DOCK1: variants seen among roughly 807,000 people sequenced by gnomAD.
DOCK1 encodes dedicator of cytokinesis 1.
Under a neutral mutation model 262.7 loss-of-function variants are expected in DOCK1, and 138 were observed. The observed-to-expected ratio is 0.53, with a 90% CI of 0.46 to 0.61. The LOEUF (loss-of-function observed/expected upper bound fraction) is 0.61, where lower values mean the gene tolerates loss of function less well. DOCK1 is among the 20% of genes least tolerant of loss of function. The probability of loss-of-function intolerance (pLI) is 0.00; values close to 1 mark genes in which losing one functional copy is unlikely to be tolerated. For missense variants in DOCK1, 1,908 were observed against 2,370.7 expected (o/e 0.80, Z 4.05); for synonymous variants, 866 against 867.4 (o/e 1.00, Z 0.03).
intron 27 of DOCK1, among the ~76,000 whole-genome samples, chr10:127,194,164 G>C (rs931915539): frequency 6.6e-6 from 1 of 152,216 alleles, no homozygotes; most frequent in African/African-American, 2.4e-5. Context: ...TGAATTTAGT[G>C]AAGAAAACAA....
chr10:127,018,019 C>T (rs1564735271), intron 12 of DOCK1, among the ~76,000 whole-genome samples: 1 of 152,230 alleles, frequency 6.6e-6, no homozygotes, highest in African/African-American at 2.4e-5. Context: ...GGGTTTACTG[C>T]CCTCTCCCCA....
At chr10:127,242,332 T>C (rs1395429816) in intron 27 of DOCK1, among the ~76,000 whole-genome samples, 1 of 152,182 alleles carries the variant, frequency 6.6e-6, no homozygotes, top group Non-Finnish European at 1.5e-5. Flanking sequence ...TTTGAGGTTT[T>C]GTTTGTTTTT....
chr10:127,031,750 T>C lies in DOCK1; in HGVS notation c.1725T>C (p.Tyr575=). ...LRDGEHDLIV[Y]KAEAKKLEDA... ...ACGGAGAGCACGATCTTATCGTCTA[T>C]AAGGTATCTGGTTGCATTGGTGCAA... The change falls in exon 17 of 52, where the codon TAT becomes TAC. Residue 575 remains tyrosine (Y), a synonymous_variant. Coordinates refer to ENST00000623213, the MANE Select transcript of DOCK1 (RefSeq NM_001290223.2). 1.2e-6 allele frequency: 2 copies of C among 1,611,772 alleles called. No individual in the cohort carries two copies. Among genetic ancestry groups the C allele is most frequent in the South Asian group, 2.2e-5 (2 of 90,384 alleles).
chr10:127,343,344 T>G (rs1272131685), intron 30 of DOCK1, among the ~76,000 whole-genome samples: 1 of 152,204 alleles, frequency 6.6e-6, no homozygotes, highest in Admixed American at 6.5e-5. Context: ...AGCACTCCTA[T>G]AAGATAGATA....
intron 27 of DOCK1, among the ~76,000 whole-genome samples, chr10:127,141,448 A>G (rs1158055385): frequency 1.3e-5 from 2 of 152,146 alleles, no homozygotes; most frequent in East Asian, 3.9e-4. Flanking sequence ...CATGCCTGTA[A>G]TCCTAGCACT....
At chr10:127,339,491 C>T (rs2063331640) in intron 30 of DOCK1, among the ~76,000 whole-genome samples, 1 of 152,120 alleles carries the variant, frequency 6.6e-6, no homozygotes, top group Non-Finnish European at 1.5e-5. Flanking sequence ...GTGTTCCCTC[C>T]ATATCCTCTC....
chr10:127,137,007 C>A (rs2050759758), intron 27 of DOCK1: 1 of 152,576 alleles, frequency 6.6e-6, no homozygotes. Context: ...TTCTCAGATT[C>A]TTGCCAGAAT....
rs74721427 is a variant in DOCK1 at position 127,130,065 on chromosome 10, C to CTTTTTTT, written c.2847+2326_2847+2332dup. 3.3e-3 allele frequency among the ~76,000 whole-genome samples: 393 copies of CTTTTTTT among 117,484 alleles called. 24 individuals are homozygous for CTTTTTTT. Among genetic ancestry groups the CTTTTTTT allele is most frequent in the African/African-American group, 0.015 (369 of 25,324 alleles). The allele number at this position is 117,484 out of a possible 152,430, so 77.1% of individuals were successfully genotyped here. ...CAATCCTGCCTCCAGTTAGGGTCTT[C>CTTTTTTT]TTTTTTTTTTTTTTTTTTTTTTTTT... On this transcript the variant is annotated intron_variant, in intron 27 of 51. Coordinates refer to ENST00000623213, the MANE Select transcript of DOCK1 (RefSeq NM_001290223.2).
At chr10:127,283,458 C>G (rs1247519217) in intron 29 of DOCK1, among the ~76,000 whole-genome samples, 1 of 152,220 alleles carries the variant, frequency 6.6e-6, no homozygotes, top group Admixed American at 6.5e-5. Flanking sequence ...TGAATAGTTT[C>G]CTTCCGATGC....
chr10:127,361,369 C>T (rs748072528), intron 32 of DOCK1, among the ~76,000 whole-genome samples: 2 of 152,074 alleles, frequency 1.3e-5, no homozygotes. Flanking sequence ...CCGCCTTGGC[C>T]TCCCAAAGTG....
intron 27 of DOCK1, among the ~76,000 whole-genome samples, chr10:127,131,424 G>C (rs2050318707): frequency 6.6e-6 from 1 of 152,164 alleles, no homozygotes; most frequent in Non-Finnish European, 1.5e-5. Context: ...GTCTTGAAAG[G>C]ACTCTCAAAA....
chr10:127,196,437 G>A (rs2134178617), intron 27 of DOCK1, among the ~76,000 whole-genome samples: 1 of 148,826 alleles, frequency 6.7e-6, no homozygotes, highest in Non-Finnish European at 1.5e-5. Context: ...GGGCCAGGAG[G>A]CGGGGGCGGG....
In DOCK1 at chr10:126,943,519, A is replaced by C. The variant is rs1039913500; in HGVS notation, c.47-27183A>C. On this transcript the variant is annotated intron_variant, in intron 1 of 51. Transcript: ENST00000623213. ...TGTATGTAAGCACCTACTGAATGCT[A>C]TTTAAGTTAATGCAATCATTCAGTG... 5.1e-3 allele frequency among the ~76,000 whole-genome samples: 776 copies of C among 152,302 alleles called. 3 individuals are homozygous for C. Among genetic ancestry groups the C allele is most frequent in the African/African-American group, 0.018 (741 of 41,574 alleles).
chr10:127,194,759 A>G (rs1350034736), intron 27 of DOCK1, among the ~76,000 whole-genome samples: 1 of 152,148 alleles, frequency 6.6e-6, no homozygotes, highest in African/African-American at 2.4e-5. Flanking sequence ...ACCCTGTGCT[A>G]TCCTGAGCTG....
intron 1 of DOCK1, among the ~76,000 whole-genome samples, chr10:126,949,645 T>G (rs2036010878): frequency 6.6e-6 from 1 of 152,162 alleles, no homozygotes; most frequent in African/African-American, 2.4e-5. Flanking sequence ...TAAATTCATG[T>G]TAGACAGCAA....
At chr10:127,376,544 C>T (rs1324573461) in intron 35 of DOCK1, among the ~76,000 whole-genome samples, 1 of 152,204 alleles carries the variant, frequency 6.6e-6, no homozygotes, top group African/African-American at 2.4e-5. Context: ...ACTTCACTGT[C>T]TTCTTGCATT....
intron 27 of DOCK1, among the ~76,000 whole-genome samples, chr10:127,169,092 G>A (rs2054334542): frequency 6.6e-6 from 1 of 152,154 alleles, no homozygotes; most frequent in African/African-American, 2.4e-5. Flanking sequence ...AACATGTTCT[G>A]TGATGGCTTT....
rs1433716640 is a variant in DOCK1 at position 127,100,282 on chromosome 10, T to C, written c.2446-5949T>C. Among the ~76,000 whole-genome samples the C allele has an allele frequency of 6.6e-6, 1 of 152,066 alleles. No homozygotes were observed. Among genetic ancestry groups the C allele is most frequent in the Non-Finnish European group, 1.5e-5 (1 of 68,002 alleles). ...AGTAGCCGTGCGGCCCAGGTGCTGT[T>C]TGTTCCGGGGGGAGTTAACAGCCTG... is the stretch of plus-strand genomic sequence containing the variant. On this transcript the variant is annotated intron_variant, in intron 23 of 51. Coordinates refer to ENST00000623213, the MANE Select transcript of DOCK1 (RefSeq NM_001290223.2). The surrounding 1 kb of genome is among the most constrained non-coding windows in gnomAD (Gnocchi z 5.5).
At chr10:127,391,451 G>A (rs1037339142) in intron 38 of DOCK1, among the ~76,000 whole-genome samples, 1 of 152,172 alleles carries the variant, frequency 6.6e-6, no homozygotes, top group African/African-American at 2.4e-5. Context: ...AGAGTTTTCC[G>A]ATACCTATTT....
Sources: allele counts gnomAD v4.1 joint callset (sites outside exome capture counted in the v4.1 genomes callset), GRCh38; gene constraint gnomAD v4.1.1; non-coding constraint Gnocchi (gnomAD v3.1); transcripts MANE v1.5; gene names NCBI Gene and HGNC (gene_info 2026-07-23, HGNC 2026-07-21).